The following UVRAG variants were observed in gnomAD, a reference collection of about 807,000 sequenced individuals.
UVRAG encodes the protein UV radiation resistance-associated gene protein.
A neutral mutation model predicts 78.0 loss-of-function variants in UVRAG; 19 were observed. The ratio of observed to expected loss-of-function variants is 0.24; its 90% confidence interval spans 0.17 to 0.36. The LOEUF (loss-of-function observed/expected upper bound fraction) is 0.36, where lower values mean the gene tolerates loss of function less well. UVRAG is among the 10% of genes least tolerant of loss of function. The pLI, the probability that UVRAG is intolerant of heterozygous loss-of-function variation, is 1.00. For missense variants in UVRAG, 740 were observed against 853.8 expected (o/e 0.87, Z 1.66); for synonymous variants, 323 against 324.6 (o/e 1.00, Z 0.05).
chr11:76,114,415 A>G (rs1036928820), intron 13 of UVRAG, among the ~76,000 whole-genome samples: 1 of 152,192 alleles, frequency 6.6e-6, no homozygotes, highest in African/African-American at 2.4e-5. Context: ...TAGGTGGTAG[A>G]GAGTAGCATG....
chr11:76,124,195 A>G (rs1952342249), intron 14 of UVRAG, among the ~76,000 whole-genome samples: 1 of 152,248 alleles, frequency 6.6e-6, no homozygotes, highest in South Asian at 2.1e-4. Flanking sequence ...TGTGCAAAGT[A>G]TTATTAAGTA....
chr11:75,834,962 C>G (rs755611125), intron 1 of UVRAG, among the ~76,000 whole-genome samples: 5 of 152,108 alleles, frequency 3.3e-5, no homozygotes, highest in African/African-American at 1.2e-4. Flanking sequence ...ATGTGAGCCA[C>G]CATGCCCGAC....
intron 7 of UVRAG, among the ~76,000 whole-genome samples, chr11:75,978,382 T>C (rs553140270): frequency 6.6e-6 from 1 of 152,224 alleles, no homozygotes; most frequent in Non-Finnish European, 1.5e-5. Context: ...CTTTGTGGTG[T>C]TCTCTGTATT....
intron 12 of UVRAG, among the ~76,000 whole-genome samples, chr11:76,033,105 C>T (rs558711698): frequency 5.9e-5 from 9 of 152,142 alleles, no homozygotes; most frequent in Admixed American, 2.0e-4. Flanking sequence ...AGAGATAAGC[C>T]ATGTTGGCTT....
In UVRAG at chr11:75,942,211, T is replaced by C. The variant is rs1252847036; in HGVS notation, c.594-19233T>C. 4 of 153,102 alleles carry C rather than the reference T, an allele frequency of 2.6e-5. No individual in the cohort carries two copies. In the Admixed American group the frequency reaches 2.6e-4, roughly 10 times the overall value. 9.5% of individuals were successfully genotyped at this position (153,102 alleles called of 1,614,324 possible). A position where few individuals can be genotyped will look rare whatever the true frequency, so the allele number is the denominator to read the frequency against. On this transcript the variant is annotated intron_variant, in intron 6 of 14. Coordinates refer to ENST00000356136, the MANE Select transcript of UVRAG (RefSeq NM_003369.4). ...ATTCTAAGTTCTTGTGGAGTGTGAA[T>C]ATCAGCAATTTTCTGACCTTCAAAG...
chr11:76,008,792 T>C lies in UVRAG; in HGVS notation c.1000-15T>C. On this transcript the variant is annotated splice_polypyrimidine_tract_variant and intron_variant, in intron 10 of 14. Coordinates refer to ENST00000356136, the MANE Select transcript of UVRAG (RefSeq NM_003369.4). The stretch of plus-strand genomic sequence containing the variant: ...TGCTTTATTTATTAATTTTATTCTT[T>C]AATTAAATTCACAGAATGAACATAA... 7.1e-7 allele frequency: 1 copy of C among 1,400,730 alleles called. No individual in the cohort carries two copies. The highest frequency in any genetic ancestry group is 9.7e-7 in the Non-Finnish European group (1 of 1,032,188). The allele number at this position is 1,400,730 out of a possible 1,614,324, so 86.8% of individuals were successfully genotyped here. A position where few individuals can be genotyped will look rare whatever the true frequency, so the allele number is the denominator to read the frequency against.
At chr11:76,101,144 C>T (rs1276723355) in intron 13 of UVRAG, among the ~76,000 whole-genome samples, 1 of 152,084 alleles carries the variant, frequency 6.6e-6, no homozygotes, top group African/African-American at 2.4e-5. Flanking sequence ...ATTTCTGGGT[C>T]GAATGGTACT....
intron 6 of UVRAG, among the ~76,000 whole-genome samples, chr11:75,948,291 C>T (rs1438419812): frequency 6.6e-6 from 1 of 152,088 alleles, no homozygotes; most frequent in Admixed American, 6.6e-5. Flanking sequence ...TTTAGGAGAG[C>T]ATTCTCATGG....
At chr11:75,971,058 T>C (rs1463037074) in intron 7 of UVRAG, among the ~76,000 whole-genome samples, 2 of 152,206 alleles carry the variant, frequency 1.3e-5, no homozygotes, top group Non-Finnish European at 2.9e-5. Flanking sequence ...CTTTTTACTG[T>C]CTCTATAATT....
intron 1 of UVRAG, among the ~76,000 whole-genome samples, chr11:75,824,990 C>T (rs1386173690): frequency 6.6e-6 from 1 of 151,690 alleles, no homozygotes; most frequent in African/African-American, 2.4e-5. Flanking sequence ...TCATTTTCAA[C>T]GTACTGGAAT....
intron 6 of UVRAG, among the ~76,000 whole-genome samples, chr11:75,951,956 C>T (rs370602829): frequency 3.3e-5 from 5 of 152,236 alleles, no homozygotes; most frequent in South Asian, 2.1e-4. Flanking sequence ...TTAATAATAT[C>T]GTATCTTCCA....
At chr11:75,989,286 C>T (rs1163920551) in intron 8 of UVRAG, among the ~76,000 whole-genome samples, 1 of 152,062 alleles carries the variant, frequency 6.6e-6, no homozygotes, top group Non-Finnish European at 1.5e-5. Flanking sequence ...AACTCCTGAC[C>T]CCAAGTGATC....
chr11:76,024,322 T>C (rs1950293545), intron 12 of UVRAG, among the ~76,000 whole-genome samples: 1 of 152,142 alleles, frequency 6.6e-6, no homozygotes, highest in Non-Finnish European at 1.5e-5. Flanking sequence ...TATTAATTGA[T>C]TGGTTGATTT....
At chr11:75,866,128 G>A (rs1328224930) in intron 3 of UVRAG, among the ~76,000 whole-genome samples, 3 of 151,802 alleles carry the variant, frequency 2.0e-5, no homozygotes, top group Non-Finnish European at 4.4e-5. Context: ...AAGTTGAGGC[G>A]AGAGGATTGC....
intron 8 of UVRAG, among the ~76,000 whole-genome samples, chr11:75,989,110 G>A (rs1324707390): frequency 6.6e-6 from 1 of 151,730 alleles, no homozygotes; most frequent in Non-Finnish European, 1.5e-5. Context: ...GCCCAGGTTG[G>A]AGTGCACTGG....
rs183762405 is a variant in UVRAG, at chr11:76,109,519, G to A, written c.1306-6405G>A. Among the ~76,000 whole-genome samples the A allele has an allele frequency of 5.9e-5, 9 of 152,298 alleles. No individual in the cohort carries two copies. In the East Asian group the frequency reaches 1.7e-3, roughly 29 times the overall value. ...TTATGAGATAAATATTGTTGGTCCTGTTTATAGACAAGGCATAGATTGGTT... is the reference window on the plus strand; with the variant it reads ...TTATGAGATAAATATTGTTGGTCCTATTTATAGACAAGGCATAGATTGGTT... On this transcript the variant is annotated intron_variant, in intron 13 of 14. Coordinates refer to ENST00000356136, the MANE Select transcript of UVRAG (RefSeq NM_003369.4).
chr11:75,828,135 T>C (rs1743312463), intron 1 of UVRAG, among the ~76,000 whole-genome samples: 1 of 152,148 alleles, frequency 6.6e-6, no homozygotes, highest in African/African-American at 2.4e-5. Context: ...CAGGATAGAA[T>C]TGGTACCATT....
intron 6 of UVRAG, among the ~76,000 whole-genome samples, chr11:75,921,055 A>G (rs903894711): frequency 2.6e-5 from 4 of 152,178 alleles, no homozygotes; most frequent in African/African-American, 9.7e-5. Context: ...ACACATATAT[A>G]ACCTTGTTTT....
intron 12 of UVRAG, among the ~76,000 whole-genome samples, chr11:76,044,099 C>A (rs1436752391): frequency 6.6e-6 from 1 of 152,136 alleles, no homozygotes; most frequent in Non-Finnish European, 1.5e-5. Flanking sequence ...TGGATTGTGG[C>A]CCTCATGGTC....
Sources: allele counts gnomAD v4.1 joint callset (sites outside exome capture counted in the v4.1 genomes callset), GRCh38; gene constraint gnomAD v4.1.1; transcripts MANE v1.5; gene names NCBI Gene and HGNC (gene_info 2026-07-23, HGNC 2026-07-21).